SDK1: variants seen among roughly 807,000 people sequenced by gnomAD.
SDK1 encodes sidekick cell adhesion molecule 1, also known as protein sidekick-1.
Under a neutral mutation model 245.5 loss-of-function variants are expected in SDK1, and 157 were observed. The observed-to-expected ratio is 0.64, with a 90% CI of 0.56 to 0.73. The LOEUF (loss-of-function observed/expected upper bound fraction) is 0.73. Among genes scored for constraint, SDK1 ranks in the 30% least tolerant of loss-of-function variants. SDK1 has a pLI of 0.00. For synonymous variants in SDK1, 1,647 were observed against 1,278.5 expected, an observed-to-expected ratio of 1.29 and a Z score of -6.15; for missense variants, 3,583 against 3,002.3, an observed-to-expected ratio of 1.19 and a Z score of -4.52.
chr7:3,606,253 C>A (rs1026861341), intron 1 of SDK1, among the ~76,000 whole-genome samples: 2 of 152,130 alleles, frequency 1.3e-5, no homozygotes. Context: ...CACCCTTAGG[C>A]CCCAGGTCTG....
intron 17 of SDK1, among the ~76,000 whole-genome samples, chr7:4,022,656 A>G (rs982844524): frequency 6.6e-6 from 1 of 152,114 alleles, no homozygotes; most frequent in African/African-American, 2.4e-5. Flanking sequence ...TTTTGGTCTC[A>G]AATGTGTTTC....
intron 28 of SDK1, among the ~76,000 whole-genome samples, chr7:4,138,720 C>T (rs906943721): frequency 1.3e-5 from 2 of 148,614 alleles, no homozygotes; most frequent in African/African-American, 5.0e-5. Context: ...TACACTCCAG[C>T]CTGGGCAACA....
chr7:3,731,353 G>A (rs940832785), intron 4 of SDK1, among the ~76,000 whole-genome samples: 1 of 152,170 alleles, frequency 6.6e-6, no homozygotes, highest in Non-Finnish European at 1.5e-5. Flanking sequence ...CCATTAGGAG[G>A]CGAGCCCCGG....
intron 40 of SDK1, among the ~76,000 whole-genome samples, chr7:4,232,301 C>G (rs1426575963): frequency 6.6e-6 from 1 of 150,706 alleles, no homozygotes; most frequent in Non-Finnish European, 1.5e-5. Context: ...AAGAGGCTGT[C>G]TAGCTCCAGG....
intron 4 of SDK1, among the ~76,000 whole-genome samples, chr7:3,758,653 A>G (rs942249835): frequency 6.6e-5 from 10 of 152,110 alleles, no homozygotes; most frequent in African/African-American, 2.4e-4. Context: ...CTGCACTGTG[A>G]GATCCTCCAG....
chr7:3,779,472 C>A (rs964100517), intron 4 of SDK1, among the ~76,000 whole-genome samples: 1 of 149,942 alleles, frequency 6.7e-6, no homozygotes. Flanking sequence ...AAAAAAAAAA[C>A]AAGGACAAAT....
chr7:4,029,248 G>A (rs997958290), intron 17 of SDK1, among the ~76,000 whole-genome samples: 10 of 126,504 alleles, frequency 7.9e-5, no homozygotes, highest in Non-Finnish European at 1.2e-4. Flanking sequence ...GTCTCACTCT[G>A]TCATCCAGGC....
chr7:3,974,279 G>A lies in SDK1; in HGVS notation c.1818-90G>A, dbSNP rs985704704. ...GTTTTTAAAGTCCATTCACAAGATTGTTAGTTGCTTGCTTTTTAAGAGACA... is the reference window on the plus strand; with the variant it reads ...GTTTTTAAAGTCCATTCACAAGATTATTAGTTGCTTGCTTTTTAAGAGACA... On this transcript the variant is annotated intron_variant, in intron 12 of 44. Transcript: ENST00000404826. The A allele has an allele frequency of 3.8e-6, 4 of 1,061,370 alleles. No homozygotes were observed. In the South Asian group the frequency reaches 4.8e-5, roughly 13 times the overall value. The allele number at this position is 1,061,370 out of a possible 1,614,324, so 65.7% of individuals were successfully genotyped here. A position where few individuals can be genotyped will look rare whatever the true frequency, so the allele number is the denominator to read the frequency against.
intron 1 of SDK1, among the ~76,000 whole-genome samples, chr7:3,326,258 G>A (rs1191000985): frequency 3.9e-5 from 6 of 152,016 alleles, no homozygotes; most frequent in African/African-American, 7.3e-5. Flanking sequence ...AAATCTCTAT[G>A]GTTATATACA....
intron 13 of SDK1, among the ~76,000 whole-genome samples, chr7:3,975,618 G>A (rs895774314): frequency 6.6e-6 from 1 of 152,218 alleles, no homozygotes; most frequent in African/African-American, 2.4e-5. Flanking sequence ...CCACACGCAT[G>A]TGGAAATGAG....
intron 4 of SDK1, among the ~76,000 whole-genome samples, chr7:3,688,960 G>C (rs1420130383): frequency 2.6e-5 from 4 of 152,188 alleles, no homozygotes; most frequent in African/African-American, 9.7e-5. Context: ...CAGGTCAGCA[G>C]ACTACTGCCC....
intron 1 of SDK1, among the ~76,000 whole-genome samples, chr7:3,615,652 A>G (rs1279158257): frequency 1.3e-5 from 2 of 151,656 alleles, no homozygotes; most frequent in African/African-American, 4.8e-5. Flanking sequence ...TGTACAAGTC[A>G]GAGACATAAG....
chr7:4,004,934 C>G (rs796293477), intron 14 of SDK1, among the ~76,000 whole-genome samples: 5 of 152,076 alleles, frequency 3.3e-5, no homozygotes, highest in African/African-American at 1.2e-4. Context: ...CCCCTTCTAC[C>G]TCCCCGCTTC....
At chr7:3,906,382 ATGTG>A (rs567304323) in intron 5 of SDK1, among the ~76,000 whole-genome samples, 2 of 150,162 alleles carry the variant, frequency 1.3e-5, no homozygotes, top group Non-Finnish European at 3.0e-5. Flanking sequence ...CTGTATGCGT[ATGTG>A]TGTGTGTGTG....
intron 1 of SDK1, among the ~76,000 whole-genome samples, chr7:3,348,297 G>T (rs1780561720): frequency 6.6e-6 from 1 of 152,150 alleles, no homozygotes; most frequent in Non-Finnish European, 1.5e-5. Flanking sequence ...AATAATGCTA[G>T]TACCTGACTC....
chr7:3,758,581 C>G (rs1261176316), intron 4 of SDK1, among the ~76,000 whole-genome samples: 1 of 152,198 alleles, frequency 6.6e-6, no homozygotes, highest in African/African-American at 2.4e-5. Flanking sequence ...TGAGAGCTTT[C>G]TCCAGTTGGC....
chr7:3,556,391 C>G (rs1369342374), intron 1 of SDK1, among the ~76,000 whole-genome samples: 1 of 151,790 alleles, frequency 6.6e-6, no homozygotes, highest in Non-Finnish European at 1.5e-5. Flanking sequence ...TAGAATGGTT[C>G]CCTGAGGCTG....
In SDK1 at chr7:3,973,535, A is replaced by C. The variant is rs6954248; in HGVS notation, c.1818-834A>C. Reference sequence around the variant, plus strand: ...TGCAATTTTAAGGACCATCTGCCAGAATGGTCACATTTTAAGAAAGTGTGT... The same window carrying C: ...TGCAATTTTAAGGACCATCTGCCAGCATGGTCACATTTTAAGAAAGTGTGT... On this transcript the variant is annotated intron_variant, in intron 12 of 44. Transcript: ENST00000404826. 7.2e-3 allele frequency among the ~76,000 whole-genome samples: 1,096 copies of C among 152,286 alleles called. 12 individuals are homozygous for C. The highest frequency in any genetic ancestry group is 0.025 in the African/African-American group (1,035 of 41,558).
At chr7:3,361,737 T>G (rs1351706419) in intron 1 of SDK1, among the ~76,000 whole-genome samples, 1 of 152,194 alleles carries the variant, frequency 6.6e-6, no homozygotes, top group African/African-American at 2.4e-5. Context: ...TATTGCAGGT[T>G]TATTAGTGGG....
Sources: gnomAD v4.1 joint callset for allele counts (sites outside exome capture counted in the v4.1 genomes callset) on GRCh38, gnomAD v4.1.1 for gene constraint, MANE v1.5 for transcripts, NCBI Gene and HGNC (gene_info 2026-07-23, HGNC 2026-07-21) for gene names.